Variants in CEP128 observed in about 807,000 individuals in gnomAD.
CEP128 encodes centrosomal protein 128kDa.
A neutral mutation model predicts 156.7 loss-of-function variants in CEP128; 132 were observed. The observed-to-expected ratio is 0.84, with a 90% CI of 0.73 to 0.97. The LOEUF is 0.97. Among genes scored for constraint, CEP128 ranks in the 50% least tolerant of loss-of-function variants. The probability of loss-of-function intolerance (pLI) is 0.00; values close to 1 mark genes in which losing one functional copy is unlikely to be tolerated. For missense variants in CEP128, 1,252 were observed against 1,281.9 expected (o/e 0.98, Z 0.36); for synonymous variants, 469 against 448.9 (o/e 1.04, Z -0.57).
rs374037246 is a variant in CEP128 at position 80,874,819 on chromosome 14, T to C, written c.646-11946A>G. 2.4e-4 allele frequency among the ~76,000 whole-genome samples: 36 copies of C among 152,146 alleles called. No homozygotes were observed. The East Asian group carries it at 6.6e-3, about 28-fold the overall frequency. ...ATTTTTAGTAGAGACGGGGTTTCAC[T>C]GTGTTAGCCAGGATGGTCTCGATCT... is the stretch of plus-strand genomic sequence containing the variant. On this transcript the variant is annotated intron_variant, in intron 8 of 24. Transcript: ENST00000555265.
intron 8 of CEP128, among the ~76,000 whole-genome samples, chr14:80,865,819 A>G (rs1887741360): frequency 6.6e-6 from 1 of 152,090 alleles, no homozygotes. Flanking sequence ...ACAGGTCATG[A>G]CAAACTGAAG....
intron 14 of CEP128, among the ~76,000 whole-genome samples, chr14:80,787,306 T>A (rs1443935706): frequency 1.3e-5 from 2 of 152,178 alleles, no homozygotes; most frequent in African/African-American, 4.8e-5. Context: ...TGGGTCCCCA[T>A]TTCCTTGCTA....
At chr14:80,546,243 G>C (rs1889979680) in intron 21 of CEP128, among the ~76,000 whole-genome samples, 1 of 152,092 alleles carries the variant, frequency 6.6e-6, no homozygotes, top group Non-Finnish European at 1.5e-5. Flanking sequence ...TTGACCTTCT[G>C]AGCAAAACTG....
intron 8 of CEP128, among the ~76,000 whole-genome samples, chr14:80,869,246 T>C (rs917451763): frequency 1.3e-5 from 2 of 152,102 alleles, no homozygotes; most frequent in East Asian, 3.9e-4. Context: ...TCTTAACATA[T>C]TTAAGAAAAT....
At chr14:80,544,856 T>C (rs923346602) in intron 21 of CEP128, among the ~76,000 whole-genome samples, 3 of 152,192 alleles carry the variant, frequency 2.0e-5, no homozygotes, top group Non-Finnish European at 4.4e-5. Flanking sequence ...ATTATGTATC[T>C]GCAAGACAGA....
intron 14 of CEP128, among the ~76,000 whole-genome samples, chr14:80,787,542 A>G (rs866809881): frequency 6.6e-6 from 1 of 152,108 alleles, no homozygotes. Context: ...GTAATGTCTT[A>G]TCATATTCAT....
chr14:80,502,183 C>G (rs1887769524), intron 24 of CEP128, among the ~76,000 whole-genome samples: 1 of 152,178 alleles, frequency 6.6e-6, no homozygotes, highest in African/African-American at 2.4e-5. Flanking sequence ...GCTGCTAACA[C>G]CACCGGCTTG....
intron 20 of CEP128, among the ~76,000 whole-genome samples, chr14:80,572,441 A>C (rs1891181360): frequency 6.6e-6 from 1 of 152,212 alleles, no homozygotes; most frequent in African/African-American, 2.4e-5. Flanking sequence ...CACAATTCTC[A>C]TTGTTATCCA....
intron 19 of CEP128, among the ~76,000 whole-genome samples, chr14:80,740,093 G>GAA (rs1898733038): frequency 5.9e-5 from 9 of 151,988 alleles, no homozygotes; most frequent in African/African-American, 2.2e-4. Flanking sequence ...TCTTTTGGAA[G>GAA]AGTGATTTTT....
intron 23 of CEP128, among the ~76,000 whole-genome samples, chr14:80,513,294 C>A (rs943055016): frequency 1.3e-5 from 2 of 152,148 alleles, no homozygotes; most frequent in African/African-American, 2.4e-5. Flanking sequence ...ATATGTCATG[C>A]CTGCCTCTCC....
chr14:80,506,659 C>G (rs1165339434), intron 23 of CEP128, among the ~76,000 whole-genome samples: 1 of 152,086 alleles, frequency 6.6e-6, no homozygotes, highest in Non-Finnish European at 1.5e-5. Context: ...ATGAATTAGC[C>G]ATCCTTCTCT....
chr14:80,788,072 AC>A (rs1271508832), intron 14 of CEP128, among the ~76,000 whole-genome samples: 1 of 152,150 alleles, frequency 6.6e-6, no homozygotes, highest in Non-Finnish European at 1.5e-5. Flanking sequence ...CAATACAGAT[AC>A]TAAAAACTAA....
chr14:80,922,074 A>G (rs1445746232), intron 2 of CEP128, among the ~76,000 whole-genome samples: 1 of 152,242 alleles, frequency 6.6e-6, no homozygotes. Flanking sequence ...TACTTAAAAG[A>G]AACAAAAACA....
intron 16 of CEP128, among the ~76,000 whole-genome samples, chr14:80,762,429 G>A (rs1900018871): frequency 6.6e-6 from 1 of 151,858 alleles, no homozygotes; most frequent in Non-Finnish European, 1.5e-5. Flanking sequence ...ATCTTCAACT[G>A]GCCTGCTAAA....
chr14:80,817,994 T>C (rs1167695658), intron 13 of CEP128, among the ~76,000 whole-genome samples: 1 of 151,686 alleles, frequency 6.6e-6, no homozygotes, highest in Non-Finnish European at 1.5e-5. Context: ...AAGAGAGAGA[T>C]AAAAGAATAA....
At chr14:80,938,059 G>A (rs961401996) in intron 2 of CEP128, among the ~76,000 whole-genome samples, 1 of 151,600 alleles carries the variant, frequency 6.6e-6, no homozygotes, top group Non-Finnish European at 1.5e-5. Flanking sequence ...ACCATGCCTG[G>A]CTAATTTTTT....
At chr14:80,713,004 A>C (rs944433281) in intron 19 of CEP128, among the ~76,000 whole-genome samples, 2 of 152,152 alleles carry the variant, frequency 1.3e-5, no homozygotes, top group Non-Finnish European at 2.9e-5. Flanking sequence ...AGAAAAACCA[A>C]AAGTTGAATC....
chr14:80,597,569 A>G (rs1892384048), intron 19 of CEP128, among the ~76,000 whole-genome samples: 1 of 151,804 alleles, frequency 6.6e-6, no homozygotes, highest in African/African-American at 2.4e-5. Flanking sequence ...CATTTATTTT[A>G]TTTAGCCTAT....
chr14:80,483,310 G>C (rs1221575012), intron 14 of CEP128, among the ~76,000 whole-genome samples: 1 of 152,200 alleles, frequency 6.6e-6, no homozygotes, highest in East Asian at 1.9e-4. Context: ...GCCTTCAGCT[G>C]TAGACTTGCA....
Sources: gnomAD v4.1 joint callset for allele counts (sites outside exome capture counted in the v4.1 genomes callset) on GRCh38, gnomAD v4.1.1 for gene constraint, MANE v1.5 for transcripts, NCBI Gene and HGNC (gene_info 2026-07-23, HGNC 2026-07-21) for gene names.